The following CT55 variants were observed in gnomAD, a reference collection of about 807,000 sequenced individuals.
The protein encoded by CT55 is BRCA2-interacting protein.
In CT55, 1 loss-of-function variant was observed where a neutral mutation model predicts 12.6. The ratio of observed to expected loss-of-function variants is 0.08; its 90% CI spans 0.03 to 0.38. CT55 has a LOEUF of 0.38. Ranked by LOEUF, CT55 falls within the 10% of genes least tolerant of loss-of-function variation. CT55 has a pLI of 0.99. For synonymous variants in CT55, 43 were observed against 49.7 expected (o/e 0.87, Z 0.57); for missense variants, 109 against 135.4 (o/e 0.80, Z 0.97).
chrX:135,159,584 C>T (rs1202716074), intron 3 of CT55, among the ~76,000 whole-genome samples: 2 of 111,325 alleles, frequency 1.8e-5, no homozygotes, highest in Non-Finnish European at 3.8e-5. Context: ...TCAACTCAAT[C>T]CTCAGGTTTT....
chrX:135,171,462 C>T (rs2083611010), upstream of CT55: 4 of 283,766 alleles, frequency 1.4e-5, no homozygotes, highest in East Asian at 1.9e-4. Context: ...AGTGGGTGGG[C>T]GGGCAGGTTC....
intron 2 of CT55, among the ~76,000 whole-genome samples, chrX:135,166,530 C>T (rs2083586075): frequency 1.8e-5 from 2 of 111,881 alleles, no homozygotes; most frequent in African/African-American, 6.5e-5. Flanking sequence ...GCAGGCTTTT[C>T]CTCTAAGACC....
intron 2 of CT55, 83 bp downstream of exon 2, chrX:135,169,511 G>T: frequency 1.3e-6 from 1 of 780,053 alleles, no homozygotes; most frequent in Non-Finnish European, 1.9e-6. Context: ...CAGCAGAGAT[G>T]TCGGATTAAC....
intron 2 of CT55, among the ~76,000 whole-genome samples, chrX:135,167,440 A>G (rs1178674506): frequency 2.7e-5 from 3 of 111,884 alleles, no homozygotes; most frequent in Non-Finnish European, 5.6e-5. Flanking sequence ...GCGTGTATAT[A>G]AATCAACTCA....
chrX:135,166,034 T>A (rs1222653529), intron 2 of CT55, among the ~76,000 whole-genome samples: 1 of 39,057 alleles, frequency 2.6e-5, no homozygotes. Context: ...TTAAACCTAT[T>A]CCAAAAAAAA....
intron 3 of CT55, among the ~76,000 whole-genome samples, chrX:135,160,004 G>A (rs782306130): frequency 7.4e-4 from 82 of 111,532 alleles, no homozygotes; most frequent in African/African-American, 2.5e-3. Context: ...AGCATTTGAA[G>A]TGTATTCTTT....
At chrX:135,163,365 G>T (rs1304797969) in intron 2 of CT55, among the ~76,000 whole-genome samples, 1 of 112,340 alleles carries the variant, frequency 8.9e-6, no homozygotes, top group Admixed American at 9.4e-5. Flanking sequence ...AGGAAAGATT[G>T]AAAGAATTGT....
intron 2 of CT55, among the ~76,000 whole-genome samples, chrX:135,162,016 T>C (rs1556405259): frequency 8.9e-6 from 1 of 112,828 alleles, no homozygotes. Context: ...CCCAGCTCTG[T>C]TTCTTATGCC....
chrX:135,170,862 T>G (rs1389876294), intron 1 of CT55, among the ~76,000 whole-genome samples: 2 of 112,102 alleles, frequency 1.8e-5, no homozygotes, highest in Non-Finnish European at 3.8e-5. Flanking sequence ...TGTCAACACC[T>G]TCCCGCTTTA....
At chrX:135,171,739 C>T (rs2083612923), upstream of CT55, among the ~76,000 whole-genome samples, 1 of 111,585 alleles carries the variant, frequency 9.0e-6, no homozygotes, top group African/African-American at 3.3e-5. Context: ...TTACTCCTCA[C>T]CAGGGATCAA....
At chrX:135,167,374 G>A (rs2083590599) in intron 2 of CT55, among the ~76,000 whole-genome samples, 1 of 111,978 alleles carries the variant, frequency 8.9e-6, no homozygotes, top group African/African-American at 3.2e-5. Flanking sequence ...AATAAATGAT[G>A]TTGAAAATAA....
chrX:135,158,623 G>C (rs1275067298), intron 3 of CT55, among the ~76,000 whole-genome samples: 1 of 112,165 alleles, frequency 8.9e-6, no homozygotes, highest in Non-Finnish European at 1.9e-5. Flanking sequence ...CTTAGTGAGA[G>C]GCAGTCAAAC....
At chrX:135,159,573 G>T (rs1485566875) in intron 3 of CT55, among the ~76,000 whole-genome samples, 1 of 111,207 alleles carries the variant, frequency 9.0e-6, no homozygotes, top group African/African-American at 3.3e-5. Flanking sequence ...TATATCCAGA[G>T]TCAACTCAAT....
At chrX:135,161,690 T>A (rs2083563488) in intron 2 of CT55, among the ~76,000 whole-genome samples, 2 of 112,496 alleles carry the variant, frequency 1.8e-5, no homozygotes, top group South Asian at 7.3e-4. Flanking sequence ...TGGCATTTGC[T>A]GAGCAGAGAC....
At chrX:135,158,502 C>T (rs1398330653) in intron 3 of CT55, among the ~76,000 whole-genome samples, 191 bp from the exon 4 acceptor site, 1 of 112,706 alleles carries the variant, frequency 8.9e-6, no homozygotes, top group Non-Finnish European at 1.9e-5. Context: ...GGCATTGATT[C>T]TCCTCTACTG....
rs2083602714 is a variant in CT55, at chrX:135,169,732, A to G, written c.141T>C (p.Cys47=). 1.7e-6 allele frequency: 2 copies of G among 1,208,670 alleles called. No individual in the cohort carries two copies. Among genetic ancestry groups the G allele is most frequent in the East Asian group, 5.9e-5 (2 of 33,768 alleles). The part of the protein sequence containing the change: ...TTVQGVVTSF[C]GDYGMIDESI... ...ACTCATCAATCATGCCATAATCACC[A>G]CAGAAACTTGTGACAACTCCCTGCA... is the stretch of plus-strand genomic sequence containing the variant. Residue 47 remains cysteine, a synonymous_variant, in exon 2 of 6, where the codon TGT becomes TGC. Coordinates refer to ENST00000276241, the MANE Select transcript of CT55 (RefSeq NM_001031705.3).
At chrX:135,163,139 A>G (rs1405540071) in intron 2 of CT55, among the ~76,000 whole-genome samples, 2 of 112,450 alleles carry the variant, frequency 1.8e-5, no homozygotes, top group Admixed American at 1.9e-4. Context: ...TACTTCTTCA[A>G]TACGCAGATA....
chrX:135,165,809 G>A, intron 2 of CT55, among the ~76,000 whole-genome samples: 1 of 109,585 alleles, frequency 9.1e-6, no homozygotes. Context: ...CCTACAAATA[G>A]GACAAGCTAG....
chrX:135,166,037 A>G (rs1200245970), intron 2 of CT55, among the ~76,000 whole-genome samples: 13 of 2,764 alleles, frequency 4.7e-3, no homozygotes, highest in African/African-American at 9.8e-3. Context: ...AACCTATTCC[A>G]AAAAAAAAAA....
Sources: gnomAD v4.1 joint callset for allele counts (sites outside exome capture counted in the v4.1 genomes callset) on GRCh38, gnomAD v4.1.1 for gene constraint, MANE v1.5 for transcripts, NCBI Gene and HGNC (gene_info 2026-07-23, HGNC 2026-07-21) for gene names.